The following PLEKHA6 variants were observed in gnomAD, a reference collection of about 807,000 sequenced individuals.
The protein encoded by PLEKHA6 is pleckstrin homology domain containing A6.
Under a neutral mutation model 116.7 loss-of-function variants are expected in PLEKHA6, and 60 were observed. That is an observed-to-expected ratio of 0.51 (90% CI 0.42 to 0.64). The LOEUF is 0.64. Among genes scored for constraint, PLEKHA6 ranks in the 30% least tolerant of loss-of-function variants. The pLI is 0.00. For missense variants in PLEKHA6, 1,338 were observed against 1,422.7 expected (o/e 0.94, Z 0.96); for synonymous variants, 489 against 556.1 (o/e 0.88, Z 1.70).
intron 1 of PLEKHA6, among the ~76,000 whole-genome samples, chr1:204,327,654 A>C (rs781422701): frequency 6.6e-5 from 10 of 152,252 alleles, no homozygotes; most frequent in Admixed American, 3.3e-4. Flanking sequence ...GCGCTGTGCC[A>C]GGCCCCAGGG....
intron 13 of PLEKHA6, among the ~76,000 whole-genome samples, chr1:204,246,301 C>T (rs1663667462): frequency 6.6e-6 from 1 of 152,188 alleles, no homozygotes; most frequent in Non-Finnish European, 1.5e-5. Flanking sequence ...AGGGCAGCAG[C>T]TATCCCCTCT....
chr1:204,346,684 C>G, intron 1 of PLEKHA6: 1 of 704,030 alleles, frequency 1.4e-6, no homozygotes, highest in Non-Finnish European at 2.6e-6. Context: ...CAGAAACAGA[C>G]TCTTTGTATT....
intron 21 of PLEKHA6, among the ~76,000 whole-genome samples, chr1:204,224,272 A>G (rs993385997): frequency 6.6e-6 from 1 of 151,920 alleles, no homozygotes; most frequent in Non-Finnish European, 1.5e-5. Flanking sequence ...ATTCCATGTT[A>G]AGAATAGCAA....
intron 12 of PLEKHA6, 24 bp from the exon 13 acceptor site, chr1:204,247,484 T>C: frequency 6.7e-7 from 1 of 1,496,422 alleles, no homozygotes; most frequent in African/African-American, 1.4e-5. Context: ...AGGCGTTCAC[T>C]GAGAAAGCCG....
intron 21 of PLEKHA6, among the ~76,000 whole-genome samples, chr1:204,226,602 T>C (rs1282066098): frequency 1.3e-5 from 2 of 152,194 alleles, no homozygotes; most frequent in South Asian, 4.1e-4. Flanking sequence ...TGCTGCCTTT[T>C]GGCTGCAGGA....
intron 2 of PLEKHA6, among the ~76,000 whole-genome samples, chr1:204,371,002 C>T (rs1419842414): frequency 4.1e-5 from 6 of 145,922 alleles, no homozygotes; most frequent in Non-Finnish European, 5.9e-5. Flanking sequence ...TGCAGTGAGC[C>T]GAGATTGTGC....
intron 1 of PLEKHA6, among the ~76,000 whole-genome samples, chr1:204,298,820 AAC>A (rs1333277584): frequency 1.3e-5 from 2 of 152,200 alleles, no homozygotes; most frequent in Non-Finnish European, 2.9e-5. Flanking sequence ...CAGGGATGGG[AAC>A]AGAGATGGAG....
chr1:204,375,612 G>T lies in PLEKHA6; in HGVS notation c.83+1971C>A, dbSNP rs548542494. 6.6e-5 allele frequency among the ~76,000 whole-genome samples: 10 copies of T among 151,918 alleles called. No individual in the cohort carries two copies. In the South Asian group the frequency reaches 2.1e-3, roughly 32 times the overall value. On this transcript the variant is annotated intron_variant, in intron 1 of 4. Transcript: ENST00000564627. ...CCTTAAGTTTCTCCTCCTGCCTCTC[G>T]CTCAGCCTCAAATCATCGCTCAGGA...
At chr1:204,359,322 C>A (rs1205252607) in intron 1 of PLEKHA6, among the ~76,000 whole-genome samples, 1 of 152,054 alleles carries the variant, frequency 6.6e-6, no homozygotes, top group Admixed American at 6.5e-5. Context: ...TTCCTGCTGG[C>A]AAGATTAAAG....
At chr1:204,314,836 T>C (rs200713481) in intron 1 of PLEKHA6, among the ~76,000 whole-genome samples, 34,069 of 152,008 alleles carry the variant, frequency 0.22, 3,909 homozygotes, top group South Asian at 0.29. Flanking sequence ...ATGCTGGTAT[T>C]TGGGGAGTAG....
intron 9 of PLEKHA6, among the ~76,000 whole-genome samples, chr1:204,251,062 G>A (rs769311636): frequency 6.6e-6 from 1 of 152,122 alleles, no homozygotes; most frequent in Non-Finnish European, 1.5e-5. Context: ...TGAACACCTG[G>A]GCTTGTGTCT....
chr1:204,241,493 C>G lies in PLEKHA6; in HGVS notation c.2303-12G>C. 6.4e-7 allele frequency: 1 copy of G among 1,564,350 alleles called. No homozygotes were observed. ...GGGCACAACGCCAACTGCAGAAAGA[C>G]AGAGTAGCCAGTGGGCCTCATGGAG... On this transcript the variant is annotated splice_polypyrimidine_tract_variant and intron_variant, in intron 16 of 22. Transcript: ENST00000272203.
intron 1 of PLEKHA6, among the ~76,000 whole-genome samples, chr1:204,352,837 C>T (rs2942136): frequency 0.26 from 39,495 of 151,848 alleles, 9,239 homozygotes; most frequent in African/African-American, 0.63. Flanking sequence ...ATAAAATAAT[C>T]AGCCAGGTGT....
intron 3 of PLEKHA6, among the ~76,000 whole-genome samples, chr1:204,272,330 A>C (rs1376900922): frequency 6.6e-6 from 1 of 152,058 alleles, no homozygotes; most frequent in Non-Finnish European, 1.5e-5. Flanking sequence ...TAGAAACGTG[A>C]CTTACTGGCT....
intron 1 of PLEKHA6, among the ~76,000 whole-genome samples, chr1:204,372,538 C>T (rs916985545): frequency 6.6e-6 from 1 of 152,182 alleles, no homozygotes; most frequent in Non-Finnish European, 1.5e-5. Context: ...CAAGACTCTA[C>T]TCAATGTCTT....
At chr1:204,262,372 C>T (rs10751446) in intron 6 of PLEKHA6, among the ~76,000 whole-genome samples, 106,168 of 152,042 alleles carry the variant, frequency 0.7, 37,276 homozygotes, top group East Asian at 0.83. Context: ...ATCTATTTCA[C>T]GGGAAAAGAG....
chr1:204,314,315 A>G (rs1263448286), intron 1 of PLEKHA6, among the ~76,000 whole-genome samples: 3 of 152,180 alleles, frequency 2.0e-5, no homozygotes, highest in Non-Finnish European at 4.4e-5. Flanking sequence ...TTCACCCTTC[A>G]AATGGAATGT....
At chr1:204,338,228 C>G (rs937254452) in intron 1 of PLEKHA6, among the ~76,000 whole-genome samples, 1 of 152,150 alleles carries the variant, frequency 6.6e-6, no homozygotes, top group African/African-American at 2.4e-5. Flanking sequence ...AATAGGAATG[C>G]TGCTACTTAC....
intron 1 of PLEKHA6, among the ~76,000 whole-genome samples, chr1:204,341,123 T>C (rs1255628157): frequency 6.6e-6 from 1 of 152,168 alleles, no homozygotes; most frequent in Non-Finnish European, 1.5e-5. Context: ...GCTCAGGCCA[T>C]AGGACAAGAA....
Sources: allele counts gnomAD v4.1 joint callset (sites outside exome capture counted in the v4.1 genomes callset), GRCh38; gene constraint gnomAD v4.1.1; transcripts MANE v1.5; gene names NCBI Gene and HGNC (gene_info 2026-07-23, HGNC 2026-07-21).